Variants in RNF144A observed in about 807,000 individuals in gnomAD.
The protein encoded by RNF144A is E3 ubiquitin-protein ligase RNF144A.
In RNF144A, 11 loss-of-function variants were observed where a neutral mutation model predicts 38.7. The ratio of observed to expected loss-of-function variants is 0.28; its 90% CI spans 0.18 to 0.47. The LOEUF (loss-of-function observed/expected upper bound fraction) is 0.47. RNF144A is among the 20% of genes least tolerant of loss of function. RNF144A has a pLI of 0.99. For synonymous variants in RNF144A, 149 were observed against 143.9 expected (o/e 1.04, Z -0.25); for missense variants, 316 against 377.2 (o/e 0.84, Z 1.34).
chr2:7,072,938 C>G (rs1308954870), downstream of RNF144A, among the ~76,000 whole-genome samples: 1 of 152,218 alleles, frequency 6.6e-6, no homozygotes, highest in Non-Finnish European at 1.5e-5. Flanking sequence ...AGCATCTGAT[C>G]TGGAATCTGC....
In RNF144A at chr2:6,943,332, C is replaced by T. The variant is rs936359680; in HGVS notation, c.-12+2185C>T. On this transcript the variant is annotated intron_variant, in intron 2 of 8. Coordinates refer to ENST00000320892, the MANE Select transcript of RNF144A (RefSeq NM_014746.6). This position sits in a 1 kb window ranked among gnomAD's most constrained non-coding sequence, Gnocchi z 4.3. ...GCATGGAGAGGACTGAGAATGGAGGCTCGGATCAGTGCCAGGACCAGTGGT... is the reference window on the plus strand; with the variant it reads ...GCATGGAGAGGACTGAGAATGGAGGTTCGGATCAGTGCCAGGACCAGTGGT... 6.6e-6 allele frequency among the ~76,000 whole-genome samples: 1 copy of T among 152,170 alleles called. No individual in the cohort carries two copies. Among genetic ancestry groups the T allele is most frequent in the East Asian group, 1.9e-4 (1 of 5,182 alleles).
rs969294187 is a variant in RNF144A, at chr2:6,969,000, T to G, written c.-12+27853T>G. On this transcript the variant is annotated intron_variant, in intron 2 of 8. Transcript: ENST00000320892. Reference sequence around the variant, plus strand: ...TGTGGTCTCAGGGTGCACCCTGGTATACCGCCTCTTGGTCCAGGGCTATAG... The same window carrying G: ...TGTGGTCTCAGGGTGCACCCTGGTAGACCGCCTCTTGGTCCAGGGCTATAG... 3.9e-5 allele frequency among the ~76,000 whole-genome samples: 6 copies of G among 152,214 alleles called. No homozygotes were observed. The East Asian group carries it at 1.2e-3, about 29-fold the overall frequency.
intron 6 of RNF144A, among the ~76,000 whole-genome samples, chr2:7,064,268 A>G (rs1368350243): frequency 6.6e-6 from 1 of 152,168 alleles, no homozygotes; most frequent in African/African-American, 2.4e-5. Flanking sequence ...GGAGAAAACA[A>G]GAGTCTAGGA....
At position 7,041,379 on chromosome 2, in the gene RNF144A, C is replaced by G. The variant is rs1673032899; in HGVS notation, c.*1619C>G. On this transcript the variant is annotated 3_prime_UTR_variant, in exon 9 of 9. Transcript: ENST00000320892. ...AAAAACAGCGTCACCTCACTCTTCA[C>G]CTGTCATGTTGATTTTCCTTATGAA... The G allele has an allele frequency of 1.0e-6, 1 of 985,754 alleles. No individual in the cohort carries two copies. The highest frequency in any genetic ancestry group is 1.7e-5 in the African/African-American group (1 of 57,240). 61.1% of individuals were successfully genotyped at this position (985,754 alleles called of 1,614,324 possible).
chr2:7,032,237 G>C (rs1230582790), intron 8 of RNF144A, among the ~76,000 whole-genome samples: 9 of 140,664 alleles, frequency 6.4e-5, no homozygotes, highest in South Asian at 4.6e-4. Context: ...CAGCTCTGCT[G>C]GAATCCGCGC....
chr2:7,072,093 A>G (rs910084922), downstream of RNF144A, among the ~76,000 whole-genome samples: 2 of 152,236 alleles, frequency 1.3e-5, no homozygotes, highest in Admixed American at 6.5e-5. Flanking sequence ...TAGTAGCTCG[A>G]TGCTGCTGTA....
intron 1 of RNF144A, among the ~76,000 whole-genome samples, chr2:6,928,669 C>G (rs1665029530): frequency 6.6e-6 from 1 of 152,238 alleles, no homozygotes; most frequent in African/African-American, 2.4e-5. Flanking sequence ...CATTTGAGCC[C>G]TTGCCTTCAG....
chr2:7,024,578 G>A, intron 7 of RNF144A, 62 bp downstream of exon 7: 1 of 1,549,124 alleles, frequency 6.5e-7, no homozygotes, highest in Admixed American at 1.7e-5. Context: ...TTTGGAATGA[G>A]AAAAATAGAC....
chr2:6,994,131 C>A (rs1572358406), intron 2 of RNF144A, among the ~76,000 whole-genome samples: 1 of 152,294 alleles, frequency 6.6e-6, no homozygotes, highest in East Asian at 1.9e-4. Flanking sequence ...ACTCTTTACC[C>A]TGCAACTTCC....
At chr2:6,986,503 C>G (rs1398845562) in intron 2 of RNF144A, among the ~76,000 whole-genome samples, 1 of 152,150 alleles carries the variant, frequency 6.6e-6, no homozygotes, top group African/African-American at 2.4e-5. Context: ...TCAGCAAGTA[C>G]TGACCTGAAG....
In RNF144A at chr2:6,943,006, G is replaced by A. The variant is rs1666113995; in HGVS notation, c.-12+1859G>A. 6.6e-6 allele frequency among the ~76,000 whole-genome samples: 1 copy of A among 152,142 alleles called. No homozygotes were observed. Among genetic ancestry groups the A allele is most frequent in the African/African-American group, 2.4e-5 (1 of 41,430 alleles). ...TCTCAATTTGAAAAAGAGATTCAAA[G>A]TTCAGTTTTGAACTTGCTGAGTGTG... On this transcript the variant is annotated intron_variant, in intron 2 of 8. Coordinates refer to ENST00000320892, the MANE Select transcript of RNF144A (RefSeq NM_014746.6). The surrounding 1 kb of genome is among the most constrained non-coding windows in gnomAD (Gnocchi z 4.3).
In RNF144A at chr2:6,996,843, G is replaced by A. The variant is rs1669776075; in HGVS notation, c.-11-73G>A. On this transcript the variant is annotated intron_variant, in intron 2 of 8. Coordinates refer to ENST00000320892, the MANE Select transcript of RNF144A (RefSeq NM_014746.6). ...CCTCCCTGGGTCCCAGCTACAGCCA[G>A]GAGAACCTTGCCACGGAGCAGGTGG... is the stretch of plus-strand genomic sequence containing the variant. The A allele has an allele frequency of 2.5e-5, 37 of 1,503,390 alleles. No individual in the cohort carries two copies. In the South Asian group the frequency reaches 4.4e-4, roughly 18 times the overall value. The allele number at this position is 1,503,390 out of a possible 1,614,324, so 93.1% of individuals were successfully genotyped here. A position where few individuals can be genotyped will look rare whatever the true frequency, so the allele number is the denominator to read the frequency against.
Position 7,003,095 on chromosome 2 carries a change from A to C in RNF144A, c.135+6034A>C, listed in dbSNP as rs74585877. 6.2e-4 allele frequency among the ~76,000 whole-genome samples: 95 copies of C among 152,366 alleles called. No individual in the cohort carries two copies. In the East Asian group the frequency reaches 0.018, roughly 28 times the overall value. On this transcript the variant is annotated intron_variant, in intron 3 of 8. Coordinates refer to ENST00000320892, the MANE Select transcript of RNF144A (RefSeq NM_014746.6). ...GTATTTGTACTATGTATATATTTGT[A>C]CGTATATATACACATATATATATTT...
chr2:6,936,297 A>G (rs996144218), intron 1 of RNF144A, among the ~76,000 whole-genome samples: 2 of 152,222 alleles, frequency 1.3e-5, no homozygotes, highest in East Asian at 1.9e-4. Flanking sequence ...CTGATGGCAT[A>G]TATATACACA....
intron 6 of RNF144A, among the ~76,000 whole-genome samples, chr2:7,066,278 G>A (rs1369730097): frequency 1.3e-5 from 2 of 151,920 alleles, no homozygotes; most frequent in African/African-American, 2.4e-5. Flanking sequence ...TAGCAGAGAC[G>A]GGGTTTCACC....
At chr2:7,065,567 A>G (rs948604060) in intron 6 of RNF144A, among the ~76,000 whole-genome samples, 5 of 152,272 alleles carry the variant, frequency 3.3e-5, no homozygotes, top group Non-Finnish European at 5.9e-5. Context: ...TATTAATTGT[A>G]CACTAGTGTG....
In RNF144A at chr2:7,043,576, T is replaced by C. The variant is rs1673178949; in HGVS notation, c.*3816T>C. 9.1e-6 allele frequency: 9 copies of C among 985,682 alleles called. No homozygotes were observed. Among genetic ancestry groups the C allele is most frequent in the South Asian group, 9.4e-5 (2 of 21,284 alleles). The allele number at this position is 985,682 out of a possible 1,614,324, so 61.1% of individuals were successfully genotyped here. A position where few individuals can be genotyped will look rare whatever the true frequency, so the allele number is the denominator to read the frequency against. On this transcript the variant is annotated 3_prime_UTR_variant, in exon 9 of 9. Coordinates refer to ENST00000320892, the MANE Select transcript of RNF144A (RefSeq NM_014746.6). Reference sequence around the variant, plus strand: ...GCTTGTTTATTTCTGATAATTAACCTAAGCCCTTATGAAAATAAACAAAAT... The same window carrying C: ...GCTTGTTTATTTCTGATAATTAACCCAAGCCCTTATGAAAATAAACAAAAT...
At chr2:7,032,401 G>GCAGCTCTGCTCT (rs1672373333) in intron 8 of RNF144A, among the ~76,000 whole-genome samples, 1 of 152,170 alleles carries the variant, frequency 6.6e-6, no homozygotes, top group Non-Finnish European at 1.5e-5. Context: ...GCTCTGCTCT[G>GCAGCTCTGCTCT]GCTGCTGTGA....
At chr2:7,072,874 G>C (rs568159798), downstream of RNF144A, among the ~76,000 whole-genome samples, 11 of 152,346 alleles carry the variant, frequency 7.2e-5, no homozygotes, top group African/African-American at 2.6e-4. Flanking sequence ...TGGAATCCAA[G>C]TGTTTACCTC....
Sources: allele counts gnomAD v4.1 joint callset (sites outside exome capture counted in the v4.1 genomes callset), GRCh38; gene constraint gnomAD v4.1.1; non-coding constraint Gnocchi (gnomAD v3.1); transcripts MANE v1.5; gene names NCBI Gene and HGNC (gene_info 2026-07-23, HGNC 2026-07-21).